The following LRMDA variants were observed in gnomAD, a reference collection of about 807,000 sequenced individuals.
LRMDA encodes leucine rich melanocyte differentiation associated.
LRMDA carries 18 observed loss-of-function variants against 29.8 expected under a neutral mutation model. The ratio of observed to expected loss-of-function variants is 0.60; its 90% CI spans 0.42 to 0.90. The LOEUF (loss-of-function observed/expected upper bound fraction) is 0.90, where lower values mean the gene tolerates loss of function less well. LRMDA is among the 40% of genes least tolerant of loss of function. LRMDA has a pLI of 0.00. For missense variants in LRMDA, 273 were observed against 273.9 expected (o/e 1.00, Z 0.02); for synonymous variants, 125 against 109.4 (o/e 1.14, Z -0.89).
chr10:75,965,141 C>T lies in LRMDA; in HGVS notation c.132-70867C>T, dbSNP rs75862544. On this transcript the variant is annotated intron_variant, in intron 2 of 6. Coordinates refer to ENST00000611255, the MANE Select transcript of LRMDA (RefSeq NM_001305581.2). ...TAGCCTCTTTAAGCCTCAGTTTCCTCATCTGTAAAATGGAGAAAACAATAG... is the reference window on the plus strand; with the variant it reads ...TAGCCTCTTTAAGCCTCAGTTTCCTTATCTGTAAAATGGAGAAAACAATAG... 8.3e-3 allele frequency among the ~76,000 whole-genome samples: 1,268 copies of T among 152,256 alleles called. 21 individuals carry two copies. The highest frequency in any genetic ancestry group is 0.029 in the African/African-American group (1,222 of 41,548).
At chr10:75,840,641 A>C (rs1482035156) in intron 2 of LRMDA, among the ~76,000 whole-genome samples, 1 of 152,176 alleles carries the variant, frequency 6.6e-6, no homozygotes, top group Non-Finnish European at 1.5e-5. Flanking sequence ...ACTGGAGGGG[A>C]AAAAACCTAC....
chr10:75,714,603 G>A (rs529523553), intron 2 of LRMDA, among the ~76,000 whole-genome samples: 56 of 152,286 alleles, frequency 3.7e-4, no homozygotes, highest in African/African-American at 1.2e-3. Context: ...GGGTATCCCC[G>A]TTCCCCAGTT....
At chr10:76,331,047 G>C (rs1415961728) in intron 6 of LRMDA, among the ~76,000 whole-genome samples, 4 of 152,148 alleles carry the variant, frequency 2.6e-5, no homozygotes, top group Admixed American at 6.5e-5. Flanking sequence ...GATGCAGGTG[G>C]ATCACTTGAG....
At chr10:76,537,468 C>T (rs1375872600) in intron 6 of LRMDA, among the ~76,000 whole-genome samples, 4 of 152,182 alleles carry the variant, frequency 2.6e-5, no homozygotes, top group Non-Finnish European at 1.5e-5. Flanking sequence ...AGCTAAAATT[C>T]AGGTGCCAAT....
At chr10:76,433,104 A>G (rs1482604255) in intron 6 of LRMDA, among the ~76,000 whole-genome samples, 1 of 152,194 alleles carries the variant, frequency 6.6e-6, no homozygotes, top group Non-Finnish European at 1.5e-5. Context: ...TGTTCAGCAA[A>G]GGAAGATTGC....
intron 6 of LRMDA, among the ~76,000 whole-genome samples, chr10:76,442,823 A>G (rs1240042111): frequency 2.0e-5 from 3 of 152,188 alleles, no homozygotes; most frequent in African/African-American, 7.2e-5. Context: ...GTCTTACGTA[A>G]TGAATAAACT....
intron 5 of LRMDA, among the ~76,000 whole-genome samples, chr10:76,092,015 C>T (rs1246609265): frequency 6.6e-6 from 1 of 152,090 alleles, no homozygotes; most frequent in Non-Finnish European, 1.5e-5. Context: ...CTTTCTTGGC[C>T]TCTTTTGGCC....
Position 75,483,716 on chromosome 10 carries a change from TTAC to T in LRMDA, c.131+45227_131+45229del, listed in dbSNP as rs1844877548. 2.0e-5 allele frequency among the ~76,000 whole-genome samples: 3 copies of T among 152,358 alleles called. No homozygotes were observed. The South Asian group carries it at 6.2e-4, about 32-fold the overall frequency. ...ATTACTAATTTTATAATAAGCCACCTTACTACTGTCTCTTCTCTAAAAGTTTTT... is the reference window on the plus strand; with the variant it reads ...ATTACTAATTTTATAATAAGCCACCTTACTGTCTCTTCTCTAAAAGTTTTT... On this transcript the variant is annotated intron_variant, in intron 2 of 6. Transcript: ENST00000611255.
intron 5 of LRMDA, among the ~76,000 whole-genome samples, chr10:76,152,990 G>A (rs555476318): frequency 3.9e-4 from 59 of 152,036 alleles, no homozygotes; most frequent in African/African-American, 1.3e-3. Flanking sequence ...ATAGGCATCC[G>A]CCACCACGTC....
intron 2 of LRMDA, among the ~76,000 whole-genome samples, chr10:75,614,960 A>G (rs1841081050): frequency 6.6e-6 from 1 of 152,162 alleles, no homozygotes; most frequent in Non-Finnish European, 1.5e-5. Flanking sequence ...AGCCTAGACC[A>G]TGTCTTGGGG....
chr10:75,964,948 TG>T (rs1487700350), intron 2 of LRMDA, among the ~76,000 whole-genome samples: 5 of 152,152 alleles, frequency 3.3e-5, no homozygotes. Context: ...TATTTTTTGG[TG>T]GAGATGGGGT....
At chr10:75,770,282 C>A (rs550632012) in intron 2 of LRMDA, among the ~76,000 whole-genome samples, 3 of 152,216 alleles carry the variant, frequency 2.0e-5, no homozygotes, top group South Asian at 4.2e-4. Context: ...CTGAGTGAGA[C>A]CCTGTCTCTT....
At chr10:75,842,252 A>C (rs2132301933) in intron 2 of LRMDA, among the ~76,000 whole-genome samples, 1 of 152,328 alleles carries the variant, frequency 6.6e-6, no homozygotes, top group African/African-American at 2.4e-5. Flanking sequence ...TCCATAAATA[A>C]ATTCTGTGCT....
At chr10:76,215,812 A>G (rs1851718585) in intron 5 of LRMDA, among the ~76,000 whole-genome samples, 1 of 152,238 alleles carries the variant, frequency 6.6e-6, no homozygotes. Flanking sequence ...GATACCATGG[A>G]CTATCTACAG....
At position 76,558,136 on chromosome 10, in the gene LRMDA, A is replaced by AATTT. The variant is rs1282523327; in HGVS notation, c.*853_*856dup. On this transcript the variant is annotated 3_prime_UTR_variant, in exon 7 of 7. Coordinates refer to ENST00000611255, the MANE Select transcript of LRMDA (RefSeq NM_001305581.2). ...GTTGCACCAGGGACTCTTATTTATT[A>AATTT]ATTTATTTTTAACCGTACACACTTC... 1 of 152,182 alleles carries AATTT rather than the reference A, an allele frequency of 6.6e-6. No homozygotes were observed. Among genetic ancestry groups the AATTT allele is most frequent in the African/African-American group, 2.4e-5 (1 of 41,434 alleles). 9.4% of individuals were successfully genotyped at this position (152,182 alleles called of 1,614,324 possible).
chr10:76,306,628 G>T (rs144283971), intron 5 of LRMDA, among the ~76,000 whole-genome samples: 5 of 152,290 alleles, frequency 3.3e-5, no homozygotes, highest in Admixed American at 1.3e-4. Context: ...TTAGAAATAG[G>T]CCTGAAAGAT....
chr10:75,524,313 C>T (rs181389767), intron 2 of LRMDA, among the ~76,000 whole-genome samples: 6 of 152,212 alleles, frequency 3.9e-5, no homozygotes. Flanking sequence ...TGGAGACAGA[C>T]CTGCTCAAGT....
intron 5 of LRMDA, among the ~76,000 whole-genome samples, chr10:76,163,140 A>C (rs1850677532): frequency 6.6e-6 from 1 of 152,178 alleles, no homozygotes. Context: ...TCTCCTTGTA[A>C]CTATATCAAA....
intron 2 of LRMDA, among the ~76,000 whole-genome samples, chr10:75,790,568 C>T (rs12778899): frequency 0.017 from 2,589 of 152,260 alleles, 39 homozygotes; most frequent in Non-Finnish European, 0.026. Flanking sequence ...ATGACATAAA[C>T]GTAAAGTATC....
Sources: gnomAD v4.1 joint callset for allele counts (sites outside exome capture counted in the v4.1 genomes callset) on GRCh38, gnomAD v4.1.1 for gene constraint, MANE v1.5 for transcripts, NCBI Gene and HGNC (gene_info 2026-07-23, HGNC 2026-07-21) for gene names.